MYO16: variants seen among roughly 807,000 people sequenced by gnomAD.
The protein encoded by MYO16 is unconventional myosin-XVI.
A neutral mutation model predicts 205.3 loss-of-function variants in MYO16; 94 were observed. The ratio of observed to expected loss-of-function variants is 0.46; its 90% CI spans 0.39 to 0.54. The LOEUF is 0.54. Among genes scored for constraint, MYO16 ranks in the 20% least tolerant of loss-of-function variants. The pLI is 0.00. For missense variants in MYO16, 2,315 were observed against 2,387.5 expected (o/e 0.97, Z 0.63); for synonymous variants, 988 against 954.0 (o/e 1.04, Z -0.66).
intron 31 of MYO16, among the ~76,000 whole-genome samples, chr13:109,134,487 G>C (rs754502067): frequency 6.6e-6 from 1 of 152,146 alleles, no homozygotes; most frequent in Admixed American, 6.5e-5. Context: ...TGTCACTCTC[G>C]GTCCTTCATG....
chr13:108,705,558 C>T (rs1883477736), intron 2 of MYO16, among the ~76,000 whole-genome samples: 1 of 152,066 alleles, frequency 6.6e-6, no homozygotes. Context: ...TAATCTTTTG[C>T]TGTGCCTAAT....
chr13:108,996,984 A>C (rs960795697), intron 21 of MYO16, among the ~76,000 whole-genome samples: 12 of 152,160 alleles, frequency 7.9e-5, no homozygotes, highest in African/African-American at 2.9e-4. Flanking sequence ...GTCTAGTAAA[A>C]TTACATGTTA....
chr13:108,517,457 A>G, the MYO16 span, among the ~76,000 whole-genome samples: 1 of 152,240 alleles, frequency 6.6e-6, no homozygotes, highest in Non-Finnish European at 1.5e-5. Context: ...GGTGAATTCA[A>G]AATATCAATG....
In MYO16 at chr13:109,125,112, T is replaced by C. The variant is rs1876182556; in HGVS notation, c.3536T>C (p.Val1179Ala). 1 of 1,613,880 alleles carries C rather than the reference T, an allele frequency of 6.2e-7. No homozygotes were observed. The highest frequency in any genetic ancestry group is 1.1e-5 in the South Asian group (1 of 91,024). ...CTAACCCATGATCCTTCTATAAAAG[T>C]TATCAGAGGATTTTTAGCACGCCAG... ...LQRKIITCQK[V>A]IRGFLARQHL... The change falls in exon 30 of 35, where the codon GTT becomes GCT. Residue 1179 changes from valine (V) to alanine (A), a missense_variant and splice_region_variant. By Grantham distance (64) the Val-to-Ala change is moderately conservative (BLOSUM62 0). This residue lies in a region of MYO16 where 1,097 missense variants were observed against 1,092.0 expected (regional missense o/e 1.00). Transcript: ENST00000457511. This position sits in a 1 kb window ranked among gnomAD's most constrained non-coding sequence, Gnocchi z 4.0.
intron 4 of MYO16, among the ~76,000 whole-genome samples, chr13:108,741,378 T>A (rs961663531): frequency 1.3e-5 from 2 of 152,152 alleles, no homozygotes. Context: ...TTAAAGCACA[T>A]CAAAGCCTTC....
At chr13:108,594,065 C>T (rs549929812), upstream of MYO16, among the ~76,000 whole-genome samples, 1 of 152,266 alleles carries the variant, frequency 6.6e-6, no homozygotes, top group South Asian at 2.1e-4. Context: ...TTATTCAGGC[C>T]ACTCAAACAC....
At chr13:108,848,604 C>T (rs893002818) in intron 10 of MYO16, among the ~76,000 whole-genome samples, 3 of 151,966 alleles carry the variant, frequency 2.0e-5, no homozygotes, top group Non-Finnish European at 4.4e-5. Context: ...AGTTCAAGAC[C>T]AGCCCGGCAA....
At chr13:108,952,047 G>T (rs373072721) in intron 16 of MYO16, among the ~76,000 whole-genome samples, 1 of 151,906 alleles carries the variant, frequency 6.6e-6, no homozygotes, top group Non-Finnish European at 1.5e-5. Context: ...GGAGGCGGAG[G>T]TTGCAGTGAG....
In MYO16 at chr13:108,665,910, T is replaced by C; in HGVS notation, c.53T>C (p.Phe18Ser). Residue 18 changes from phenylalanine to serine, a missense_variant, in exon 2 of 35, where the codon TTT becomes TCT. Around this residue, in one of 3 missense-constraint regions of MYO16, gnomAD observed 1,213 missense variants for 1,274.4 expected, o/e 0.95. Transcript: ENST00000457511. ...KCCCFQLCNV[F>S]RSHEMEIDQC... is the part of the protein sequence containing the mutation. ...GGTTGCTTTCAGCTATGTAACGTTT[T>C]TCGATCCCATGAGATGGAAATCGAC... 1 of 1,613,996 alleles carries C rather than the reference T, an allele frequency of 6.2e-7. No individual in the cohort carries two copies. The highest frequency in any genetic ancestry group is 1.3e-5 in the African/African-American group (1 of 75,050).
At chr13:108,986,468 C>A (rs1884637937) in intron 20 of MYO16, among the ~76,000 whole-genome samples, 1 of 151,502 alleles carries the variant, frequency 6.6e-6, no homozygotes, top group African/African-American at 2.4e-5. Flanking sequence ...ACTAAAAAAA[C>A]AAAATTAGCT....
chr13:108,649,648 A>G (rs1880911621), intron 1 of MYO16, among the ~76,000 whole-genome samples: 2 of 152,248 alleles, frequency 1.3e-5, no homozygotes, highest in South Asian at 4.1e-4. Flanking sequence ...CCATTTCTAT[A>G]CCATTATTTG....
At chr13:108,674,294 G>C (rs1024863053) in intron 2 of MYO16, among the ~76,000 whole-genome samples, 18 of 152,124 alleles carry the variant, frequency 1.2e-4, no homozygotes, top group African/African-American at 4.3e-4. Context: ...GTATTTACTA[G>C]ATTGTCTCAG....
Position 109,140,145 on chromosome 13 carries a change from C to A in MYO16, c.4052-119C>A. 1.4e-6 allele frequency: 2 copies of A among 1,481,096 alleles called. No homozygotes were observed. The highest frequency in any genetic ancestry group is 1.8e-6 in the Non-Finnish European group (2 of 1,125,592). 91.7% of individuals were successfully genotyped at this position (1,481,096 alleles called of 1,614,324 possible). ...CTAGTGGGTGGAGGAACATGCAGGCCCGGTCCCTTGGGATTCTCGGGGCAC... is the reference window on the plus strand; with the variant it reads ...CTAGTGGGTGGAGGAACATGCAGGCACGGTCCCTTGGGATTCTCGGGGCAC... On this transcript the variant is annotated intron_variant, in intron 31 of 34. Coordinates refer to ENST00000457511, the MANE Select transcript of MYO16 (RefSeq NM_001198950.3). The surrounding 1 kb of genome is among the most constrained non-coding windows in gnomAD (Gnocchi z 8.0).
Position 108,763,794 on chromosome 13 carries a change from T to TGTGTGTGTGTGTGTGTGG in MYO16, c.508-21824_508-21823insGGTGTGTGTGTGTGTGTG, listed in dbSNP as rs1313144489. 2.8e-5 allele frequency among the ~76,000 whole-genome samples: 4 copies of TGTGTGTGTGTGTGTGTGG among 142,444 alleles called. No individual in the cohort carries two copies. In the East Asian group the frequency reaches 7.9e-4, roughly 28 times the overall value. The allele number at this position is 142,444 out of a possible 152,430, so 93.4% of individuals were successfully genotyped here. A position where few individuals can be genotyped will look rare whatever the true frequency, so the allele number is the denominator to read the frequency against. On this transcript the variant is annotated intron_variant, in intron 4 of 34. Coordinates refer to ENST00000457511, the MANE Select transcript of MYO16 (RefSeq NM_001198950.3). ...GGGGAGAGAGAAAAGGAGTTGTGTG[T>TGTGTGTGTGTGTGTGTGG]GTGTGTGTGTGTGTGTGTGTGTGTG...
intron 16 of MYO16, among the ~76,000 whole-genome samples, chr13:108,943,497 G>T (rs1003820215): frequency 1.3e-5 from 2 of 151,232 alleles, no homozygotes; most frequent in African/African-American, 4.9e-5. Flanking sequence ...TCACTTTGTC[G>T]CCCAGGCTGG....
At chr13:108,831,192 A>C (rs1343531674) in intron 9 of MYO16, among the ~76,000 whole-genome samples, 1 of 152,160 alleles carries the variant, frequency 6.6e-6, no homozygotes, top group Non-Finnish European at 1.5e-5. Flanking sequence ...AGATAAATGT[A>C]GGGGCCACAC....
At chr13:108,693,829 G>C (rs955747826) in intron 2 of MYO16, among the ~76,000 whole-genome samples, 1 of 152,130 alleles carries the variant, frequency 6.6e-6, no homozygotes, top group Non-Finnish European at 1.5e-5. Flanking sequence ...CTAGTACCTA[G>C]TAGCTGTTTT....
intron 31 of MYO16, among the ~76,000 whole-genome samples, chr13:109,130,793 C>T (rs1005668494): frequency 2.0e-5 from 3 of 152,134 alleles, no homozygotes; most frequent in South Asian, 4.1e-4. Context: ...CAACACAATC[C>T]GAGTATAATC....
intron 4 of MYO16, among the ~76,000 whole-genome samples, chr13:108,732,689 T>C (rs188172574): frequency 1.7e-3 from 260 of 152,008 alleles, no homozygotes; most frequent in African/African-American, 4.2e-3. Context: ...AAGAAGGAGG[T>C]ATGGAAAGAA....
Sources: allele counts gnomAD v4.1 joint callset (sites outside exome capture counted in the v4.1 genomes callset), GRCh38; gene constraint gnomAD v4.1.1; regional missense constraint gnomAD v4.1.1; non-coding constraint Gnocchi (gnomAD v3.1); transcripts MANE v1.5; gene names NCBI Gene and HGNC (gene_info 2026-07-23, HGNC 2026-07-21).